The following SERPINE2 variants were observed in gnomAD, a reference collection of about 807,000 sequenced individuals.
The protein encoded by SERPINE2 is serpin family E member 2.
SERPINE2 carries 14 observed loss-of-function variants against 36.3 expected under a neutral mutation model. The observed-to-expected ratio is 0.39, with a 90% CI of 0.25 to 0.60. The LOEUF is 0.60. Among genes scored for constraint, SERPINE2 ranks in the 20% least tolerant of loss-of-function variants. SERPINE2 has a pLI of 0.57. For missense variants in SERPINE2, 418 were observed against 499.6 expected, an observed-to-expected ratio of 0.84 and a Z score of 1.56; for synonymous variants, 192 against 191.8, an observed-to-expected ratio of 1.00 and a Z score of -0.01.
intron 7 of SERPINE2, 54 bp from the exon 8 acceptor site, chr2:223,977,681 A>AT (rs1255808170): frequency 8.2e-7 from 1 of 1,220,972 alleles, no homozygotes; most frequent in African/African-American, 1.5e-5. Flanking sequence ...CCATGTAAGC[A>AT]TAAGGCCAGC....
chr2:223,999,653 G>A (rs1045463633), intron 2 of SERPINE2, among the ~76,000 whole-genome samples: 1 of 152,220 alleles, frequency 6.6e-6, no homozygotes, highest in African/African-American at 2.4e-5. Context: ...CAATTCCAAG[G>A]CCAACTGCCA....
At chr2:224,011,362 T>G (rs1484281859) in intron 1 of SERPINE2, among the ~76,000 whole-genome samples, 1 of 152,260 alleles carries the variant, frequency 6.6e-6, no homozygotes, top group African/African-American at 2.4e-5. Context: ...ACATAGTTCA[T>G]GACCATGTTT....
At chr2:224,014,956 A>G (rs1171939782) in intron 1 of SERPINE2, among the ~76,000 whole-genome samples, 2 of 151,976 alleles carry the variant, frequency 1.3e-5, no homozygotes, top group Non-Finnish European at 2.9e-5. Context: ...TCTGTCGCTC[A>G]GGGAGCATTT....
intron 1 of SERPINE2, among the ~76,000 whole-genome samples, chr2:224,015,022 G>A (rs910463490): frequency 5.9e-5 from 9 of 151,584 alleles, no homozygotes; most frequent in Admixed American, 3.9e-4. Flanking sequence ...GGCCAGGGAG[G>A]GTGGTGCCAT....
rs367723012 is a variant in SERPINE2 at position 224,009,327 on chromosome 2, A to AG, written c.-22-7406dup. 4.5e-3 allele frequency among the ~76,000 whole-genome samples: 688 copies of AG among 152,298 alleles called. 5 individuals are homozygous for AG. The highest frequency in any genetic ancestry group is 0.012 in the African/African-American group (512 of 41,564). ...AATCTACAGGGGCTACAGCAGGTAG[A>AG]GAAAAACAGCAGGTATGTTTTGTCC... is the stretch of plus-strand genomic sequence containing the variant. On this transcript the variant is annotated intron_variant, in intron 1 of 8. Transcript: ENST00000409304.
At position 223,984,802 on chromosome 2, in the gene SERPINE2, G is replaced by A. The variant is rs1203339563; in HGVS notation, c.834C>T (p.Asp278=). The change falls in exon 5 of 9, where the codon GAC becomes GAT. Residue 278 remains aspartate, a synonymous_variant. Coordinates refer to ENST00000409304, the MANE Select transcript of SERPINE2 (RefSeq NM_001136528.2). The stretch of plus-strand genomic sequence containing the variant: ...TGGGCACCATGATGCTCATCCAGCT[G>A]TCTATGGTCTTGGTGCTGATGTGTG... ...IIPHISTKTI[D]SWMSIMVPKR... 8.1e-6 allele frequency: 13 copies of A among 1,613,712 alleles called. No individual in the cohort carries two copies. Among genetic ancestry groups the A allele is most frequent in the Middle Eastern group, 1.7e-4 (1 of 5,826 alleles).
intron 1 of SERPINE2, among the ~76,000 whole-genome samples, chr2:224,012,114 CCATGAG>C (rs1559212897): frequency 6.6e-6 from 1 of 152,148 alleles, no homozygotes; most frequent in East Asian, 1.9e-4. Flanking sequence ...CCAGAGCTCC[CCATGAG>C]CTCTGAGTGT....
At chr2:224,021,867 T>C (rs1692013412) in intron 1 of SERPINE2, among the ~76,000 whole-genome samples, 1 of 152,022 alleles carries the variant, frequency 6.6e-6, no homozygotes, top group Admixed American at 6.5e-5. Flanking sequence ...CTACTAAAAA[T>C]ACAAAAATTA....
chr2:224,029,027 T>A (rs935003796), intron 1 of SERPINE2, among the ~76,000 whole-genome samples: 8 of 152,210 alleles, frequency 5.3e-5, no homozygotes, highest in Non-Finnish European at 1.0e-4. Flanking sequence ...CTAAATTAAT[T>A]CAAATTAGTA....
At chr2:224,014,916 T>C (rs1395985302) in intron 1 of SERPINE2, among the ~76,000 whole-genome samples, 9 of 152,022 alleles carry the variant, frequency 5.9e-5, no homozygotes, top group Non-Finnish European at 1.5e-5. Flanking sequence ...CCTCTCAGAG[T>C]CTCAAGGCAT....
intron 1 of SERPINE2, among the ~76,000 whole-genome samples, chr2:224,003,003 A>C (rs1438194392): frequency 6.6e-6 from 1 of 152,172 alleles, no homozygotes; most frequent in Non-Finnish European, 1.5e-5. Flanking sequence ...TAAAGAGCAC[A>C]ATGATAAAAT....
intron 4 of SERPINE2, among the ~76,000 whole-genome samples, chr2:223,989,271 C>T (rs1016695273): frequency 6.6e-6 from 1 of 152,144 alleles, no homozygotes; most frequent in Non-Finnish European, 1.5e-5. Flanking sequence ...AGCAAATATT[C>T]TCAGAGCTCT....
At chr2:224,014,373 C>CAA (rs1277590247) in intron 1 of SERPINE2, among the ~76,000 whole-genome samples, 1 of 149,310 alleles carries the variant, frequency 6.7e-6, no homozygotes, top group Non-Finnish European at 1.5e-5. Context: ...GACACTGTCT[C>CAA]AAAAAAAAAG....
chr2:224,030,052 A>G, intron 1 of SERPINE2: 1 of 985,432 alleles, frequency 1.0e-6, no homozygotes, highest in South Asian at 4.7e-5. Flanking sequence ...GGAAAAAAGC[A>G]GCCAGCATGA....
intron 1 of SERPINE2, among the ~76,000 whole-genome samples, chr2:224,034,816 G>A (rs2106206382): frequency 6.6e-6 from 1 of 152,332 alleles, no homozygotes; most frequent in Admixed American, 6.5e-5. Flanking sequence ...AAGTGGGGCA[G>A]TAGTCAGGCT....
chr2:224,001,848 A>G lies in SERPINE2; in HGVS notation c.53T>C (p.Ile18Thr), dbSNP rs1364701637. 4 of 1,614,010 alleles carry G rather than the reference A, an allele frequency of 2.5e-6. No individual in the cohort carries two copies. The highest frequency in any genetic ancestry group is 2.5e-6 in the Non-Finnish European group (3 of 1,180,014). The change falls in exon 2 of 9, where the codon ATC becomes ACC. Residue 18 changes from isoleucine to threonine, a missense_variant. Physicochemically the swap from Ile to Thr is moderately conservative, Grantham distance 89. Coordinates refer to ENST00000409304, the MANE Select transcript of SERPINE2 (RefSeq NM_001136528.2). Reference sequence around the variant, plus strand: ...AGACAGAGGATTGAAGTGGGAGCAGATGGAAGGCAGCGTCACAGAGGCCAA... The same window carrying G: ...AGACAGAGGATTGAAGTGGGAGCAGGTGGAAGGCAGCGTCACAGAGGCCAA... ...FLLASVTLPS[I>T]CSHFNPLSLE... is the part of the protein sequence containing the mutation.
chr2:224,027,408 CCTAA>C (rs1163051012), intron 1 of SERPINE2, among the ~76,000 whole-genome samples: 1 of 152,044 alleles, frequency 6.6e-6, no homozygotes, highest in South Asian at 2.1e-4. Flanking sequence ...GGTGTCCTGT[CCTAA>C]CTGAGAGGGA....
intron 1 of SERPINE2, among the ~76,000 whole-genome samples, chr2:224,025,495 AC>A (rs1692152974): frequency 6.6e-6 from 1 of 152,018 alleles, no homozygotes; most frequent in African/African-American, 2.4e-5. Context: ...GAAAATCCCT[AC>A]CCCCTACAAA....
intron 5 of SERPINE2, among the ~76,000 whole-genome samples, chr2:223,983,696 A>G (rs569250748): frequency 0.018 from 85 of 4,684 alleles, no homozygotes; most frequent in East Asian, 0.13. Context: ...AGATATATGC[A>G]CACACACACA....
Sources: gnomAD v4.1 joint callset for allele counts (sites outside exome capture counted in the v4.1 genomes callset) on GRCh38, gnomAD v4.1.1 for gene constraint, MANE v1.5 for transcripts, NCBI Gene and HGNC (gene_info 2026-07-23, HGNC 2026-07-21) for gene names.